ALDH1A2: variants seen among roughly 807,000 people sequenced by gnomAD.
The protein encoded by ALDH1A2 is retinal dehydrogenase 2.
A neutral mutation model predicts 60.3 loss-of-function variants in ALDH1A2; 27 were observed. That is an observed-to-expected ratio of 0.45 (90% CI 0.33 to 0.62). ALDH1A2 has a LOEUF of 0.62. Ranked by LOEUF, ALDH1A2 falls within the 20% of genes least tolerant of loss-of-function variation. The pLI is 0.02. For synonymous variants in ALDH1A2, 289 were observed against 232.4 expected, an observed-to-expected ratio of 1.24 and a Z score of -2.21; for missense variants, 581 against 643.8, an observed-to-expected ratio of 0.90 and a Z score of 1.06.
chr15:57,957,636 G>T (rs3825778), intron 12 of ALDH1A2, among the ~76,000 whole-genome samples: 14,255 of 152,092 alleles, frequency 0.094, 709 homozygotes, highest in African/African-American at 0.12. Flanking sequence ...GGACGAAACA[G>T]CAAGGCAAAA....
chr15:58,013,428 T>C (rs1895693834), intron 3 of ALDH1A2, among the ~76,000 whole-genome samples: 1 of 152,198 alleles, frequency 6.6e-6, no homozygotes, highest in Non-Finnish European at 1.5e-5. Flanking sequence ...GATATTCAGC[T>C]GATCCTCCAT....
chr15:58,000,993 G>A (rs1448214466), intron 4 of ALDH1A2, among the ~76,000 whole-genome samples: 1 of 142,670 alleles, frequency 7.0e-6, no homozygotes, highest in Non-Finnish European at 1.5e-5. Context: ...AGTATATAGT[G>A]TAGGAGAATC....
chr15:58,064,856 T>C (rs1245791993), intron 1 of ALDH1A2, among the ~76,000 whole-genome samples: 2 of 144,848 alleles, frequency 1.4e-5, no homozygotes, highest in Non-Finnish European at 3.0e-5. Flanking sequence ...CAACGTTCGT[T>C]ATAAAAAAAA....
intron 1 of ALDH1A2, among the ~76,000 whole-genome samples, chr15:58,028,787 T>C (rs765474015): frequency 2.4e-4 from 36 of 151,442 alleles, no homozygotes; most frequent in African/African-American, 4.1e-4. Flanking sequence ...CCAACAAAGA[T>C]CAAAAGAGAC....
chr15:57,963,864 G>T (rs377317390), intron 9 of ALDH1A2, 21 bp downstream of exon 9: 4 of 1,613,524 alleles, frequency 2.5e-6, no homozygotes, highest in Non-Finnish European at 3.4e-6. Flanking sequence ...TAAACAAAGG[G>T]AATGGTTATG....
chr15:58,017,763 G>A (rs1474735593), intron 1 of ALDH1A2, among the ~76,000 whole-genome samples: 7 of 151,620 alleles, frequency 4.6e-5, no homozygotes, highest in African/African-American at 1.7e-4. Context: ...TTATTTTGCT[G>A]TTTTTTTTAC....
chr15:58,059,828 C>G (rs534226715), intron 1 of ALDH1A2, among the ~76,000 whole-genome samples: 157 of 152,176 alleles, frequency 1.0e-3, no homozygotes, highest in African/African-American at 3.5e-3. Context: ...CATAGCTACC[C>G]AGAATATTGA....
intron 7 of ALDH1A2, among the ~76,000 whole-genome samples, chr15:57,986,529 T>C (rs1305538900): frequency 8.2e-6 from 1 of 122,298 alleles, no homozygotes; most frequent in Non-Finnish European, 1.6e-5. Context: ...AGCAATATAA[T>C]GGTCACAATG....
intron 12 of ALDH1A2, among the ~76,000 whole-genome samples, chr15:57,957,432 G>A (rs1893565704): frequency 6.6e-6 from 1 of 152,190 alleles, no homozygotes; most frequent in East Asian, 1.9e-4. Flanking sequence ...CATGCTCAGA[G>A]GTCATTGAGC....
intron 1 of ALDH1A2, among the ~76,000 whole-genome samples, chr15:58,040,352 T>C (rs1181970768): frequency 1.3e-5 from 2 of 151,912 alleles, no homozygotes; most frequent in Non-Finnish European, 2.9e-5. Context: ...CGATGAATCA[T>C]AAAACAACCT....
chr15:57,958,214 G>GCACACGCACACACACA (rs1893601396), intron 12 of ALDH1A2, among the ~76,000 whole-genome samples: 1 of 151,818 alleles, frequency 6.6e-6, no homozygotes, highest in African/African-American at 2.4e-5. Flanking sequence ...GTACACGCAC[G>GCACACGCACACACACA]CACACACACA....
intron 4 of ALDH1A2, among the ~76,000 whole-genome samples, chr15:57,998,313 G>A (rs1271069746): frequency 6.6e-6 from 1 of 151,994 alleles, no homozygotes; most frequent in Non-Finnish European, 1.5e-5. Context: ...CATTGTCTCA[G>A]CACAAAAGCT....
intron 1 of ALDH1A2, among the ~76,000 whole-genome samples, chr15:58,037,627 T>TGAC (rs1896409794): frequency 6.6e-6 from 1 of 151,792 alleles, no homozygotes; most frequent in Non-Finnish European, 1.5e-5. Context: ...GCATCATAAT[T>TGAC]CTATTTGCAG....
intron 7 of ALDH1A2, chr15:57,980,263 T>A: frequency 2.8e-6 from 1 of 357,238 alleles, no homozygotes; most frequent in East Asian, 7.7e-5. Flanking sequence ...TGACCTTCCC[T>A]GCTAGGGCAA....
chr15:58,010,812 C>T (rs1199808736), intron 3 of ALDH1A2, 34 bp from the exon 4 acceptor site: 2 of 1,610,706 alleles, frequency 1.2e-6, no homozygotes, highest in African/African-American at 2.7e-5. Context: ...TACTAAGTCC[C>T]CAGAACTTTC....
chr15:58,054,971 G>A (rs1300865780), intron 1 of ALDH1A2, among the ~76,000 whole-genome samples: 1 of 152,022 alleles, frequency 6.6e-6, no homozygotes, highest in African/African-American at 2.4e-5. Context: ...TATGATAGCT[G>A]CGGACAATAC....
chr15:57,994,303 T>C (rs575618388), intron 5 of ALDH1A2, among the ~76,000 whole-genome samples: 107 of 152,320 alleles, frequency 7.0e-4, no homozygotes, highest in African/African-American at 2.4e-3. Context: ...ATAAATATTA[T>C]ATCTTCCCCA....
chr15:58,025,137 G>A lies in ALDH1A2; in HGVS notation c.118-10856C>T, dbSNP rs142025220. Among the ~76,000 whole-genome samples the A allele has an allele frequency of 7.9e-4, 120 of 151,980 alleles. No individual in the cohort carries two copies. The East Asian group carries it at 0.017, about 21-fold the overall frequency. On this transcript the variant is annotated intron_variant, in intron 1 of 12. Transcript: ENST00000249750. ...ATGTACCTTGAGAAACTAGAAAAAC[G>A]CGAAGAAACCAAACCCCAAATTAGC... is the stretch of plus-strand genomic sequence containing the variant.
intron 3 of ALDH1A2, chr15:58,012,259 T>C (rs1267573470): frequency 6.6e-6 from 1 of 152,222 alleles, no homozygotes; most frequent in Non-Finnish European, 1.5e-5. Context: ...AATCCAATGC[T>C]ATAGATATCA....
Sources: gnomAD v4.1 joint callset for allele counts (sites outside exome capture counted in the v4.1 genomes callset) on GRCh38, gnomAD v4.1.1 for gene constraint, MANE v1.5 for transcripts, NCBI Gene and HGNC (gene_info 2026-07-23, HGNC 2026-07-21) for gene names.